Variants in SAMMSON observed in about 807,000 individuals in gnomAD.
SAMMSON encodes survival associated mitochondrial melanoma specific oncogenic non-coding RNA.
Position 70,235,735 on chromosome 3 carries a change from T to A in SAMMSON, n.508-13372T>A, listed in dbSNP as rs1268333125. ...AAAGTTGGCATTCAAATCAGGCCAT[T>A]GATAATTTATTGCTGTATGACTTAG... On this transcript the variant is annotated intron_variant and non_coding_transcript_variant, in intron 4 of 9. Transcript: ENST00000642114. 2.6e-5 allele frequency among the ~76,000 whole-genome samples: 4 copies of A among 152,358 alleles called. No homozygotes were observed. In the East Asian group the frequency reaches 7.7e-4, roughly 29 times the overall value.
intron 3 of SAMMSON, among the ~76,000 whole-genome samples, chr3:70,040,633 G>T (rs1432311702): frequency 6.6e-6 from 1 of 152,130 alleles, no homozygotes; most frequent in Non-Finnish European, 1.5e-5. Flanking sequence ...TTGGAATGCT[G>T]CAGTAAGAGA....
At chr3:70,038,505 C>T (rs959372778) in intron 3 of SAMMSON, among the ~76,000 whole-genome samples, 9 of 152,018 alleles carry the variant, frequency 5.9e-5, no homozygotes, top group African/African-American at 2.2e-4. Flanking sequence ...TATAAACTAC[C>T]CAGTCTCAGG....
chr3:70,098,584 G>T (rs139107200), intron 4 of SAMMSON, among the ~76,000 whole-genome samples: 3 of 152,018 alleles, frequency 2.0e-5, no homozygotes, highest in African/African-American at 7.3e-5. Flanking sequence ...GGCCAGGTTG[G>T]TCTTAAACTC....
intron 4 of SAMMSON, among the ~76,000 whole-genome samples, chr3:70,219,283 C>G (rs2106735490): frequency 6.6e-6 from 1 of 152,278 alleles, no homozygotes; most frequent in Non-Finnish European, 1.5e-5. Context: ...ATAATCCAAT[C>G]AGTCTAGCAC....
At chr3:70,330,024 A>T (rs1006967139) in intron 7 of SAMMSON, among the ~76,000 whole-genome samples, 1 of 151,968 alleles carries the variant, frequency 6.6e-6, no homozygotes, top group African/African-American at 2.4e-5. Context: ...TAATCTAAGT[A>T]TAAAAAGACG....
chr3:70,180,608 CA>C (rs1477883788), intron 4 of SAMMSON, among the ~76,000 whole-genome samples: 2 of 152,064 alleles, frequency 1.3e-5, no homozygotes, highest in African/African-American at 4.8e-5. Flanking sequence ...CATTACTGCC[CA>C]ATCAAGCAAA....
intron 6 of SAMMSON, among the ~76,000 whole-genome samples, chr3:70,268,597 C>A (rs184128542): frequency 1.3e-5 from 2 of 152,022 alleles, no homozygotes; most frequent in African/African-American, 4.8e-5. Flanking sequence ...TGGTGATGTA[C>A]CTTCTATGGG....
At chr3:70,344,265 G>A (rs886769155) in intron 7 of SAMMSON, among the ~76,000 whole-genome samples, 3 of 152,210 alleles carry the variant, frequency 2.0e-5, no homozygotes, top group Admixed American at 6.5e-5. Context: ...ATAAGGAGAC[G>A]AACAGAATAG....
At chr3:70,311,608 T>C (rs1702453646) in intron 7 of SAMMSON, among the ~76,000 whole-genome samples, 1 of 152,140 alleles carries the variant, frequency 6.6e-6, no homozygotes, top group South Asian at 2.1e-4. Context: ...ACCTCACAGA[T>C]AATATAAGTC....
At chr3:70,023,741 C>A (rs947732796) in intron 3 of SAMMSON, among the ~76,000 whole-genome samples, 1 of 152,160 alleles carries the variant, frequency 6.6e-6, no homozygotes, top group African/African-American at 2.4e-5. Flanking sequence ...AAGGTATGAT[C>A]TCTATTTCGA....
chr3:70,255,751 C>G (rs1701809710), intron 6 of SAMMSON, among the ~76,000 whole-genome samples: 2 of 152,130 alleles, frequency 1.3e-5, no homozygotes, highest in African/African-American at 2.4e-5. Flanking sequence ...TCCCCCGTAC[C>G]CAGCCAGGGG....
intron 7 of SAMMSON, among the ~76,000 whole-genome samples, chr3:70,304,981 A>G (rs1252624794): frequency 6.6e-6 from 1 of 151,858 alleles, no homozygotes; most frequent in Non-Finnish European, 1.5e-5. Context: ...GTTCTCTCCA[A>G]TGGAATGCTT....
intron 9 of SAMMSON, among the ~76,000 whole-genome samples, chr3:70,358,917 A>G (rs1467450776): frequency 6.6e-6 from 1 of 152,124 alleles, no homozygotes; most frequent in Non-Finnish European, 1.5e-5. Flanking sequence ...TTTTAATACT[A>G]GGAGTGTTTT....
chr3:70,264,983 G>T (rs1002792774), intron 6 of SAMMSON, among the ~76,000 whole-genome samples: 1 of 152,120 alleles, frequency 6.6e-6, no homozygotes, highest in Non-Finnish European at 1.5e-5. Context: ...CATCTTACAT[G>T]GTGGCAGCAA....
chr3:70,201,583 A>C (rs992166937), intron 4 of SAMMSON, among the ~76,000 whole-genome samples: 2 of 152,132 alleles, frequency 1.3e-5, no homozygotes, highest in African/African-American at 4.8e-5. Flanking sequence ...GAGGAAACTG[A>C]GGCAAAGAGT....
At chr3:70,169,496 C>G (rs1170870539) in intron 4 of SAMMSON, among the ~76,000 whole-genome samples, 1 of 151,862 alleles carries the variant, frequency 6.6e-6, no homozygotes, top group Admixed American at 6.6e-5. Context: ...AGAGACATGT[C>G]TATGAAATAT....
intron 7 of SAMMSON, among the ~76,000 whole-genome samples, chr3:70,316,141 C>T (rs928692718): frequency 1.3e-5 from 2 of 152,102 alleles, no homozygotes; most frequent in African/African-American, 4.8e-5. Context: ...AACTATCCAG[C>T]AGAAGATAAT....
chr3:70,193,542 A>C (rs781522195), intron 4 of SAMMSON, among the ~76,000 whole-genome samples: 6 of 152,110 alleles, frequency 3.9e-5, no homozygotes, highest in Admixed American at 1.3e-4. Context: ...GTTGATTATC[A>C]CTGGAAATTT....
intron 6 of SAMMSON, among the ~76,000 whole-genome samples, chr3:70,279,159 G>T (rs569275864): frequency 1.3e-5 from 2 of 150,258 alleles, no homozygotes; most frequent in Non-Finnish European, 3.0e-5. Context: ...ACAACAATAA[G>T]TGCCATTCCA....
Sources: gnomAD v4.1 joint callset for allele counts (sites outside exome capture counted in the v4.1 genomes callset) on GRCh38, gnomAD v4.1.1 for gene constraint, MANE v1.5 for transcripts, NCBI Gene and HGNC (gene_info 2026-07-23, HGNC 2026-07-21) for gene names.